UNC93B1: variants seen among roughly 807,000 people sequenced by gnomAD.
UNC93B1 encodes protein unc-93 homolog B1.
UNC93B1 carries 33 observed loss-of-function variants against 56.8 expected under a neutral mutation model. The ratio of observed to expected loss-of-function variants is 0.58; its 90% CI spans 0.44 to 0.78. UNC93B1 has a LOEUF of 0.78. Among genes scored for constraint, UNC93B1 ranks in the 30% least tolerant of loss-of-function variants. The probability of loss-of-function intolerance (pLI) is 0.00; values close to 1 mark genes in which losing one functional copy is unlikely to be tolerated. For synonymous variants in UNC93B1, 334 were observed against 358.6 expected (o/e 0.93, Z 0.77); for missense variants, 673 against 819.5 (o/e 0.82, Z 2.18).
At position 67,991,886 on chromosome 11, in the gene UNC93B1, C is replaced by G. The variant is rs772612899; in HGVS notation, c.1483-29G>C. On this transcript the variant is annotated intron_variant, in intron 10 of 10. Coordinates refer to ENST00000227471, the MANE Select transcript of UNC93B1 (RefSeq NM_030930.4). ...GGCGTAAGGAGAGGGATGCCAGGGACCCGCGGCCGCCTCGCCCCGCACCTT... is the reference window on the plus strand; with the variant it reads ...GGCGTAAGGAGAGGGATGCCAGGGAGCCGCGGCCGCCTCGCCCCGCACCTT... The G allele has an allele frequency of 5.1e-5, 78 of 1,531,732 alleles. 1 individual carries two copies. The highest frequency in any genetic ancestry group is 1.2e-4 in the African/African-American group (9 of 72,366). The allele number at this position is 1,531,732 out of a possible 1,614,324, so 94.9% of individuals were successfully genotyped here.
intron 3 of UNC93B1, 118 bp from the exon 4 acceptor site, chr11:67,999,798 C>T (rs1034770582): frequency 5.9e-6 from 8 of 1,344,820 alleles, no homozygotes; most frequent in Non-Finnish European, 8.0e-6. Flanking sequence ...TAGAGAGAGT[C>T]GAGGGCACTG....
At position 68,003,534 on chromosome 11, in the gene UNC93B1, C is replaced by G; in HGVS notation, c.238+123G>C. On this transcript the variant is annotated intron_variant, in intron 2 of 10. Transcript: ENST00000227471. This position sits in a 1 kb window ranked among gnomAD's most constrained non-coding sequence, Gnocchi z 4.4. ...CCACCCCCGCCGCGGGGGGCCGTGG[C>G]TGCAGCTGCGAGGGCAGCGGAGGGG... 1 of 1,354,292 alleles carries G rather than the reference C, an allele frequency of 7.4e-7. No homozygotes were observed. 83.9% of individuals were successfully genotyped at this position (1,354,292 alleles called of 1,614,324 possible).
At chr11:67,997,087 A>T (rs1856960590) in intron 7 of UNC93B1, among the ~76,000 whole-genome samples, 1 of 151,078 alleles carries the variant, frequency 6.6e-6, no homozygotes, top group Admixed American at 6.6e-5. Context: ...ACATTCAGAC[A>T]AATCCATAGA....
At chr11:67,993,507 C>T (rs1225431376) in intron 10 of UNC93B1, among the ~76,000 whole-genome samples, 169 bp downstream of exon 10, 1 of 152,208 alleles carries the variant, frequency 6.6e-6, no homozygotes. Context: ...GGAGGTGGGC[C>T]AGTAAGTGGG....
In UNC93B1 at chr11:67,991,771, G is replaced by A; in HGVS notation, c.1569C>T (p.Ala523=). 6.5e-7 allele frequency: 1 copy of A among 1,540,322 alleles called. No individual in the cohort carries two copies. The highest frequency in any genetic ancestry group is 8.7e-7 in the Non-Finnish European group (1 of 1,150,704). Residue 523 remains alanine (A), a synonymous_variant, in exon 11 of 11, where the codon GCC becomes GCT. Transcript: ENST00000227471. Reference sequence around the variant, plus strand: ...GCCGCGGGATGCGGGGCTGGCGCGGGGCCACGCCCCGGCGCAGCTTCTGCT... The same window carrying A: ...GCCGCGGGATGCGGGGCTGGCGCGGAGCCACGCCCCGGCGCAGCTTCTGCT... ...RMEQKLRRGV[A]PRQPRIPRPQ...
chr11:67,992,667 T>C (rs375100836), intron 10 of UNC93B1, among the ~76,000 whole-genome samples: 395 of 128,332 alleles, frequency 3.1e-3, no homozygotes, highest in African/African-American at 0.011. Flanking sequence ...TTTTTTTTCC[T>C]TTTTTTTTTT....
chr11:67,997,282 T>C (rs988813740), intron 7 of UNC93B1, among the ~76,000 whole-genome samples: 3 of 152,132 alleles, frequency 2.0e-5, no homozygotes, highest in African/African-American at 7.2e-5. Context: ...ACGCCTTAGT[T>C]CTGCCGTCCA....
intron 7 of UNC93B1, 34 bp from the exon 8 acceptor site, chr11:67,996,818 A>T: frequency 6.7e-7 from 1 of 1,498,508 alleles, no homozygotes; most frequent in Non-Finnish European, 9.0e-7. Flanking sequence ...GCGGCCAGCC[A>T]GGCCCAGGCC....
chr11:68,000,393 A>G (rs1406907729), intron 3 of UNC93B1, among the ~76,000 whole-genome samples: 7 of 152,254 alleles, frequency 4.6e-5, no homozygotes, highest in Non-Finnish European at 8.8e-5. Flanking sequence ...GGCCAGGCAC[A>G]GTGGCTCACA....
Position 68,003,753 on chromosome 11 carries a change from C to T in UNC93B1, c.142G>A (p.Glu48Lys), listed in dbSNP as rs1218361410. The change falls in exon 2 of 11, where the codon GAG becomes AAG. Residue 48 changes from glutamate to lysine, a missense_variant. Transcript: ENST00000227471. This position sits in a 1 kb window ranked among gnomAD's most constrained non-coding sequence, Gnocchi z 4.4. ...GAYPNYNEEE[E>K]ERRYYRRKRL... The stretch of plus-strand genomic sequence containing the variant: ...TTGCGGCGGTAGTAGCGGCGCTCCT[C>T]CTCCTCCTCGTTGTAGTTGGGGTAC... 1 of 1,523,112 alleles carries T rather than the reference C, an allele frequency of 6.6e-7. No individual in the cohort carries two copies. Among genetic ancestry groups the T allele is most frequent in the Admixed American group, 2.0e-5 (1 of 50,028 alleles). 94.3% of individuals were successfully genotyped at this position (1,523,112 alleles called of 1,614,324 possible).
intron 9 of UNC93B1, among the ~76,000 whole-genome samples, chr11:67,994,580 A>G (rs1411564086): frequency 2.0e-5 from 3 of 152,066 alleles, no homozygotes. Context: ...TCACCGGAGG[A>G]GATGGGATAT....
At position 67,997,770 on chromosome 11, in the gene UNC93B1, A is replaced by G; in HGVS notation, c.811T>C (p.Phe271Leu). 1 of 1,610,056 alleles carries G rather than the reference A, an allele frequency of 6.2e-7. No homozygotes were observed. Among genetic ancestry groups the G allele is most frequent in the Non-Finnish European group, 8.5e-7 (1 of 1,179,752 alleles). Residue 271 changes from phenylalanine to leucine, a missense_variant, in exon 7 of 11, where the codon TTC becomes CTC. Physicochemically the swap from Phe to Leu is conservative, Grantham distance 22. Coordinates refer to ENST00000227471, the MANE Select transcript of UNC93B1 (RefSeq NM_030930.4). ...GTNSHGILSG[F>L]NKTVLRTLPR... ...AGCGTCCGCAGAACCGTCTTGTTGA[A>G]GCCGCTGAGGATCCCGTGGCTGTTG...
At position 67,993,044 on chromosome 11, in the gene UNC93B1, C is replaced by T. The variant is rs192930478; in HGVS notation, c.1482+632G>A. Among the ~76,000 whole-genome samples the T allele has an allele frequency of 2.8e-3, 429 of 152,080 alleles. 6 individuals are homozygous for T. The highest frequency in any genetic ancestry group is 0.026 in the Admixed American group (399 of 15,272). On this transcript the variant is annotated intron_variant, in intron 10 of 10. Transcript: ENST00000227471. ...CTTGTTGCTTAGGCTGGATGGAGTG[C>T]CAACGCCCCGTCTCGGCTAACTGCA...
chr11:67,997,126 A>C (rs1344101382), intron 7 of UNC93B1, among the ~76,000 whole-genome samples: 1 of 149,868 alleles, frequency 6.7e-6, no homozygotes, highest in Non-Finnish European at 1.5e-5. Flanking sequence ...GCCCCGCGCC[A>C]GACCTCAGCC....
rs1175692771 is a variant in UNC93B1 at position 67,997,832 on chromosome 11, A to G, written c.782-33T>C. ...GGGTGGGGGTGAGGGCACCGTGAGC[A>G]GAGAGTAGGGCACACAGTCAATCCA... On this transcript the variant is annotated intron_variant, in intron 6 of 10. Transcript: ENST00000227471. 3.1e-6 allele frequency: 5 copies of G among 1,595,672 alleles called. No individual in the cohort carries two copies. The South Asian group carries it at 5.6e-5, about 18-fold the overall frequency.
chr11:67,994,953 AC>A (rs1238178785), intron 9 of UNC93B1, among the ~76,000 whole-genome samples: 3 of 152,158 alleles, frequency 2.0e-5, no homozygotes, highest in Non-Finnish European at 4.4e-5. Flanking sequence ...ACATGGGCCC[AC>A]CCGCTGCCTT....
At position 68,003,669 on chromosome 11, in the gene UNC93B1, C is replaced by G. The variant is rs1266485931; in HGVS notation, c.226G>C (p.Gly76Arg). 1.6e-5 allele frequency: 25 copies of G among 1,528,324 alleles called. No homozygotes were observed. Among genetic ancestry groups the G allele is most frequent in the Non-Finnish European group, 2.1e-5 (24 of 1,142,976 alleles). The allele number at this position is 1,528,324 out of a possible 1,614,324, so 94.7% of individuals were successfully genotyped here. A position where few individuals can be genotyped will look rare whatever the true frequency, so the allele number is the denominator to read the frequency against. ...GAGCGGCACCTACCCAGGTAGACGC[C>G]GTAGGTGAGCATGCCCCCGGCGCTG... ...AASAGGMLTY[G>R]VYLGLLQMQL... Residue 76 changes from glycine (G) to arginine (R), a missense_variant, in exon 2 of 11, where the codon GGC becomes CGC. Around this residue, in one of 3 missense-constraint regions of UNC93B1, gnomAD observed 438 missense variants for 465.9 expected, o/e 0.94. Coordinates refer to ENST00000227471, the MANE Select transcript of UNC93B1 (RefSeq NM_030930.4). The surrounding 1 kb of genome is among the most constrained non-coding windows in gnomAD (Gnocchi z 4.4).
rs1177174440 is a variant in UNC93B1, at chr11:68,003,256, G to A, written c.239-81C>T. The A allele has an allele frequency of 1.4e-6, 2 of 1,405,812 alleles. No individual in the cohort carries two copies. The highest frequency in any genetic ancestry group is 1.9e-6 in the Non-Finnish European group (2 of 1,066,150). 87.1% of individuals were successfully genotyped at this position (1,405,812 alleles called of 1,614,324 possible). A position where few individuals can be genotyped will look rare whatever the true frequency, so the allele number is the denominator to read the frequency against. ...GAGCAGAAGACGGCATGCAGGCCTCGCAGGGAGCTCCAATCACCGAAGGCA... is the reference window on the plus strand; with the variant it reads ...GAGCAGAAGACGGCATGCAGGCCTCACAGGGAGCTCCAATCACCGAAGGCA... On this transcript the variant is annotated intron_variant, in intron 2 of 10. Coordinates refer to ENST00000227471, the MANE Select transcript of UNC93B1 (RefSeq NM_030930.4). The surrounding 1 kb of genome is among the most constrained non-coding windows in gnomAD (Gnocchi z 4.4).
Position 68,003,919 on chromosome 11 carries a change from C to T in UNC93B1, c.96+29G>A. Reference sequence around the variant, plus strand: ...GGGACCCTGGCCCACAGGGGACGCCCGCGCCTCGCACTCCGGGTCCCCGCT... The same window carrying T: ...GGGACCCTGGCCCACAGGGGACGCCTGCGCCTCGCACTCCGGGTCCCCGCT... On this transcript the variant is annotated intron_variant, in intron 1 of 10. Coordinates refer to ENST00000227471, the MANE Select transcript of UNC93B1 (RefSeq NM_030930.4). This position sits in a 1 kb window ranked among gnomAD's most constrained non-coding sequence, Gnocchi z 4.4. 3 of 1,359,270 alleles carry T rather than the reference C, an allele frequency of 2.2e-6. No individual in the cohort carries two copies. Among genetic ancestry groups the T allele is most frequent in the Non-Finnish European group, 2.9e-6 (3 of 1,051,450 alleles). The allele number at this position is 1,359,270 out of a possible 1,614,324, so 84.2% of individuals were successfully genotyped here.
Sources: gnomAD v4.1 joint callset for allele counts (sites outside exome capture counted in the v4.1 genomes callset) on GRCh38, gnomAD v4.1.1 for gene constraint, gnomAD v4.1.1 regional missense constraint, Gnocchi (gnomAD v3.1) non-coding constraint, MANE v1.5 for transcripts, NCBI Gene and HGNC (gene_info 2026-07-23, HGNC 2026-07-21) for gene names.